The following ADAMTSL1 variants were observed in gnomAD, a reference collection of about 807,000 sequenced individuals.
The protein encoded by ADAMTSL1 is ADAMTS-like protein 1.
In ADAMTSL1, 126 loss-of-function variants were observed where a neutral mutation model predicts 201.8. The ratio of observed to expected loss-of-function variants is 0.62; its 90% CI spans 0.54 to 0.72. The LOEUF (loss-of-function observed/expected upper bound fraction) is 0.72. Among genes scored for constraint, ADAMTSL1 ranks in the 30% least tolerant of loss-of-function variants. The pLI is 0.00. For synonymous variants in ADAMTSL1, 1,121 were observed against 903.4 expected (o/e 1.24, Z -4.32); for missense variants, 2,679 against 2,277.8 (o/e 1.18, Z -3.59).
chr9:17,952,470 T>TC (rs1827763892), intron 1 of ADAMTSL1, among the ~76,000 whole-genome samples: 1 of 152,174 alleles, frequency 6.6e-6, no homozygotes, highest in Non-Finnish European at 1.5e-5. Context: ...TCACTTGCCT[T>TC]CTAGTTTATG....
At chr9:18,524,083 G>A (rs1281067227) in intron 2 of ADAMTSL1, among the ~76,000 whole-genome samples, 4 of 150,990 alleles carry the variant, frequency 2.6e-5, no homozygotes, top group African/African-American at 9.8e-5. Context: ...AGCATGGAAT[G>A]TTCTTCCATT....
chr9:18,656,434 C>T (rs984250894), intron 7 of ADAMTSL1, among the ~76,000 whole-genome samples: 8 of 151,944 alleles, frequency 5.3e-5, no homozygotes, highest in Admixed American at 1.3e-4. Flanking sequence ...GATCGACCAT[C>T]CTGGCTAACA....
chr9:18,589,179 G>T (rs1295051061), intron 4 of ADAMTSL1, among the ~76,000 whole-genome samples: 2 of 151,872 alleles, frequency 1.3e-5, no homozygotes, highest in African/African-American at 4.8e-5. Flanking sequence ...ACCTGGTCTT[G>T]TTAACAATAT....
chr9:18,044,941 T>C (rs2131644453), intron 1 of ADAMTSL1, among the ~76,000 whole-genome samples: 1 of 152,312 alleles, frequency 6.6e-6, no homozygotes, highest in South Asian at 2.1e-4. Context: ...GGAAGGACTC[T>C]GATGCACTTT....
At chr9:18,029,562 T>A (rs1291820943) in intron 1 of ADAMTSL1, among the ~76,000 whole-genome samples, 1 of 152,048 alleles carries the variant, frequency 6.6e-6, no homozygotes, top group East Asian at 1.9e-4. Context: ...CTCATTAAAC[T>A]AAAGAGCTTC....
At chr9:18,409,383 CAA>C (rs781106126) in intron 2 of ADAMTSL1, among the ~76,000 whole-genome samples, 32,827 of 75,938 alleles carry the variant, frequency 0.43, 3,127 homozygotes, top group African/African-American at 0.48. Flanking sequence ...AACTCCGTCT[CAA>C]AAAAAAAAAA....
intron 24 of ADAMTSL1, 30 bp downstream of exon 24, chr9:18,888,073 G>A (rs776572476): frequency 1.9e-6 from 3 of 1,596,160 alleles, no homozygotes; most frequent in Non-Finnish European, 2.6e-6. Flanking sequence ...TTGCATACTG[G>A]ACTTGAACAA....
intron 1 of ADAMTSL1, among the ~76,000 whole-genome samples, chr9:17,923,561 C>A (rs954683159): frequency 1.3e-5 from 2 of 150,878 alleles, no homozygotes; most frequent in African/African-American, 4.9e-5. Flanking sequence ...ACAATCATGT[C>A]GTCTGCAAAC....
chr9:18,654,636 T>C (rs1828507601), intron 7 of ADAMTSL1, among the ~76,000 whole-genome samples: 2 of 152,150 alleles, frequency 1.3e-5, no homozygotes, highest in African/African-American at 2.4e-5. Context: ...TAAGGAAGAT[T>C]TTATTATTGT....
At chr9:18,214,724 A>G (rs1830001452) in intron 2 of ADAMTSL1, among the ~76,000 whole-genome samples, 1 of 152,224 alleles carries the variant, frequency 6.6e-6, no homozygotes, top group Non-Finnish European at 1.5e-5. Flanking sequence ...CAGAAGTATC[A>G]AAGTAGAGTT....
At chr9:17,946,054 G>A in intron 1 of ADAMTSL1, among the ~76,000 whole-genome samples, 1 of 125,994 alleles carries the variant, frequency 7.9e-6, no homozygotes, top group South Asian at 2.9e-4. Context: ...AGCTCATGAT[G>A]TGTATGTGTG....
intron 6 of ADAMTSL1, among the ~76,000 whole-genome samples, chr9:18,638,023 C>T (rs1485935594): frequency 6.6e-6 from 1 of 152,080 alleles, no homozygotes; most frequent in Non-Finnish European, 1.5e-5. Flanking sequence ...AGATTTAGTG[C>T]AGTTGCTTTC....
At chr9:17,960,688 T>C (rs931397251) in intron 1 of ADAMTSL1, among the ~76,000 whole-genome samples, 7 of 152,228 alleles carry the variant, frequency 4.6e-5, no homozygotes, top group Non-Finnish European at 1.0e-4. Context: ...AAAGATGTTC[T>C]TTTCTCACTA....
At chr9:18,348,623 A>G (rs544128383) in intron 2 of ADAMTSL1, among the ~76,000 whole-genome samples, 1 of 152,318 alleles carries the variant, frequency 6.6e-6, no homozygotes, top group Admixed American at 6.5e-5. Flanking sequence ...TGGAAGTAGT[A>G]TCAGGACCAA....
At chr9:18,798,328 C>T (rs376319934) in intron 20 of ADAMTSL1, among the ~76,000 whole-genome samples, 10 of 152,260 alleles carry the variant, frequency 6.6e-5, no homozygotes, top group South Asian at 2.1e-4. Context: ...CCTTGAGCAA[C>T]GTCTTTATAC....
chr9:17,993,939 T>C (rs1398954467), intron 1 of ADAMTSL1, among the ~76,000 whole-genome samples: 1 of 152,122 alleles, frequency 6.6e-6, no homozygotes, highest in African/African-American at 2.4e-5. Flanking sequence ...TTTCTTTATC[T>C]TTGTCTATGT....
chr9:18,105,372 G>A (rs773707286), intron 1 of ADAMTSL1, among the ~76,000 whole-genome samples: 21 of 152,158 alleles, frequency 1.4e-4, no homozygotes, highest in Non-Finnish European at 2.2e-4. Context: ...TCTCTGGAAC[G>A]TCTCTGACAC....
At chr9:18,325,039 A>G (rs948628078) in intron 2 of ADAMTSL1, among the ~76,000 whole-genome samples, 1 of 152,210 alleles carries the variant, frequency 6.6e-6, no homozygotes, top group African/African-American at 2.4e-5. Flanking sequence ...TATAATCACA[A>G]GAAAATATAC....
chr9:17,924,907 G>T (rs1364722942), intron 1 of ADAMTSL1, among the ~76,000 whole-genome samples: 1 of 102,082 alleles, frequency 9.8e-6, no homozygotes, highest in Non-Finnish European at 2.0e-5. Flanking sequence ...TACCATCAGA[G>T]TGAACAGGCA....
Sources: gnomAD v4.1 joint callset for allele counts (sites outside exome capture counted in the v4.1 genomes callset) on GRCh38, gnomAD v4.1.1 for gene constraint, MANE v1.5 for transcripts, NCBI Gene and HGNC (gene_info 2026-07-23, HGNC 2026-07-21) for gene names.